The following SMC6 variants were observed in gnomAD, a reference collection of about 807,000 sequenced individuals.
SMC6 encodes the protein structural maintenance of chromosomes 6, also known as structural maintenance of chromosomes protein 6.
In SMC6, 79 loss-of-function variants were observed where a neutral mutation model predicts 142.2. The observed-to-expected ratio is 0.56, with a 90% CI of 0.46 to 0.67. SMC6 has a LOEUF of 0.67. SMC6 is among the 30% of genes least tolerant of loss of function. The pLI, the probability that SMC6 is intolerant of heterozygous loss-of-function variation, is 0.00. For synonymous variants in SMC6, 411 were observed against 412.4 expected (o/e 1.00, Z 0.04); for missense variants, 1,072 against 1,284.0 (o/e 0.83, Z 2.52).
chr2:17,751,133 G>A (rs1671009048), intron 2 of SMC6, among the ~76,000 whole-genome samples: 1 of 150,788 alleles, frequency 6.6e-6, no homozygotes, highest in African/African-American at 2.4e-5. Context: ...GCCATTATAA[G>A]TTCATGGAAC....
chr2:17,732,970 A>C (rs941032634), intron 5 of SMC6, among the ~76,000 whole-genome samples: 2 of 152,200 alleles, frequency 1.3e-5, no homozygotes, highest in Non-Finnish European at 2.9e-5. Context: ...ACTTGGTAGA[A>C]AAACAAAGAT....
chr2:17,745,838 C>T lies in SMC6; in HGVS notation c.109G>A (p.Gly37Ser). 1 of 1,610,172 alleles carries T rather than the reference C, an allele frequency of 6.2e-7. No individual in the cohort carries two copies. Among genetic ancestry groups the T allele is most frequent in the South Asian group, 1.1e-5 (1 of 90,046 alleles). ...AATTTTTCGCTTACCAAAGTAGTAC[C>T]TTTACATTCGTCTTCGTCACCATCT... ...DKDGDEDECK[G>S]TTLTAAEVGI... is the part of the protein sequence containing the mutation. Residue 37 changes from glycine to serine, a missense_variant, in exon 3 of 28, where the codon GGT (glycine) becomes AGT (serine). Coordinates refer to ENST00000448223, the MANE Select transcript of SMC6 (RefSeq NM_001142286.2).
At chr2:17,742,084 C>T (rs563284590) in intron 3 of SMC6, among the ~76,000 whole-genome samples, 4 of 152,230 alleles carry the variant, frequency 2.6e-5, no homozygotes, top group East Asian at 3.9e-4. Context: ...CACACCTGCC[C>T]CTAAGTTGTG....
At chr2:17,735,320 T>C (rs1670099096) in intron 5 of SMC6, among the ~76,000 whole-genome samples, 1 of 152,122 alleles carries the variant, frequency 6.6e-6, no homozygotes, top group African/African-American at 2.4e-5. Flanking sequence ...CAGTAAGAAT[T>C]TGGCTTCTTT....
At chr2:17,675,821 T>C (rs1447816709) in intron 25 of SMC6, among the ~76,000 whole-genome samples, 1 of 152,132 alleles carries the variant, frequency 6.6e-6, no homozygotes, top group East Asian at 1.9e-4. Context: ...TATTTGACTA[T>C]CATATAAATT....
chr2:17,676,669 C>G (rs1001766323), intron 25 of SMC6, among the ~76,000 whole-genome samples: 25 of 152,084 alleles, frequency 1.6e-4, no homozygotes, highest in African/African-American at 6.0e-4. Context: ...ACTGAGTCTT[C>G]TGATCTAACA....
chr2:17,745,854 G>A lies in SMC6; in HGVS notation c.93C>T (p.Asp31=), dbSNP rs143324489. The change falls in exon 3 of 28, where the codon GAC becomes GAT. Residue 31 remains aspartate (D), a synonymous_variant. Coordinates refer to ENST00000448223, the MANE Select transcript of SMC6 (RefSeq NM_001142286.2). ...EELEDFDKDG[D]EDECKGTTLT... is the part of the protein sequence containing the mutation. ...AAGTAGTACCTTTACATTCGTCTTC[G>A]TCACCATCTTTATCAAAATCCTCCA... The A allele has an allele frequency of 2.3e-4, 374 of 1,611,258 alleles. 2 individuals are homozygous for A. Among genetic ancestry groups the A allele is most frequent in the Middle Eastern group, 8.3e-4 (5 of 6,052 alleles).
chr2:17,672,351 A>G (rs1385368826), intron 25 of SMC6, among the ~76,000 whole-genome samples: 1 of 152,238 alleles, frequency 6.6e-6, no homozygotes, highest in South Asian at 2.1e-4. Flanking sequence ...TGACAACATC[A>G]GAAAGTCTAG....
chr2:17,743,942 G>C (rs965212493), intron 3 of SMC6, among the ~76,000 whole-genome samples: 4 of 152,128 alleles, frequency 2.6e-5, no homozygotes, highest in African/African-American at 9.7e-5. Flanking sequence ...ATAGTGCATC[G>C]TCTGGATATA....
chr2:17,691,577 A>G (rs1667729453), intron 23 of SMC6, among the ~76,000 whole-genome samples: 1 of 151,868 alleles, frequency 6.6e-6, no homozygotes, highest in Non-Finnish European at 1.5e-5. Flanking sequence ...AAATAATAAG[A>G]GCTATCTATG....
At chr2:17,727,283 T>C (rs912824603) in intron 7 of SMC6, among the ~76,000 whole-genome samples, 1 of 152,128 alleles carries the variant, frequency 6.6e-6, no homozygotes, top group African/African-American at 2.4e-5. Flanking sequence ...TGGCTGCCAG[T>C]GTGGTTGGAA....
intron 9 of SMC6, among the ~76,000 whole-genome samples, chr2:17,723,470 T>A (rs1669471927): frequency 6.6e-6 from 1 of 152,248 alleles, no homozygotes; most frequent in Non-Finnish European, 1.5e-5. Context: ...TCCAGTTTTT[T>A]AAAAGCACAC....
In SMC6 at chr2:17,745,859, C is replaced by G; in HGVS notation, c.88G>C (p.Gly30Arg). The G allele has an allele frequency of 1.2e-6, 2 of 1,612,088 alleles. No individual in the cohort carries two copies. Among genetic ancestry groups the G allele is most frequent in the Non-Finnish European group, 1.7e-6 (2 of 1,179,322 alleles). The change falls in exon 3 of 28, where the codon GGT (glycine) becomes CGT (arginine). Residue 30 changes from glycine to arginine, a missense_variant. Transcript: ENST00000448223. ...GTACCTTTACATTCGTCTTCGTCAC[C>G]ATCTTTATCAAAATCCTCCAATTCT... ...QEELEDFDKD[G>R]DEDECKGTTL...
intron 16 of SMC6, among the ~76,000 whole-genome samples, chr2:17,710,881 C>A (rs1253519111): frequency 6.6e-6 from 1 of 151,962 alleles, no homozygotes; most frequent in Non-Finnish European, 1.5e-5. Context: ...AAAAGGGAAG[C>A]AGAGAAAAGT....
chr2:17,744,864 C>T (rs1438009917), intron 3 of SMC6, among the ~76,000 whole-genome samples: 1 of 152,136 alleles, frequency 6.6e-6, no homozygotes, highest in Non-Finnish European at 1.5e-5. Context: ...TAGCCTGTAA[C>T]ATGGTGAATC....
chr2:17,676,159 G>GC (rs1185284078), intron 25 of SMC6, among the ~76,000 whole-genome samples: 2 of 152,090 alleles, frequency 1.3e-5, no homozygotes, highest in East Asian at 1.9e-4. Context: ...TTCAGATGCT[G>GC]CACTTTTCAG....
intron 25 of SMC6, among the ~76,000 whole-genome samples, chr2:17,676,275 A>G (rs1173957555): frequency 6.6e-6 from 1 of 152,120 alleles, no homozygotes; most frequent in Non-Finnish European, 1.5e-5. Context: ...GATTAACTCT[A>G]TGTTCTTTAA....
At position 17,669,256 on chromosome 2, in the gene SMC6, C is replaced by CA. The variant is rs1436230574; in HGVS notation, c.3063+1166dup. Among the ~76,000 whole-genome samples the CA allele has an allele frequency of 2.0e-5, 3 of 152,300 alleles. No individual in the cohort carries two copies. The East Asian group carries it at 5.8e-4, about 29-fold the overall frequency. On this transcript the variant is annotated intron_variant, in intron 26 of 27. Transcript: ENST00000448223. ...AGAGGCTTTGAGATGAAGGCACTTTCAACCTCGGGGCTGCTGAATTTCAGA... is the reference window on the plus strand; with the variant it reads ...AGAGGCTTTGAGATGAAGGCACTTTCAAACCTCGGGGCTGCTGAATTTCAGA...
chr2:17,703,040 G>C (rs995024866), intron 19 of SMC6, 117 bp downstream of exon 19: 6 of 596,376 alleles, frequency 1.0e-5, no homozygotes, highest in Non-Finnish European at 1.7e-5. Context: ...GAGTGTAAAG[G>C]GGCTTGAGGC....
Sources: allele counts gnomAD v4.1 joint callset (sites outside exome capture counted in the v4.1 genomes callset), GRCh38; gene constraint gnomAD v4.1.1; transcripts MANE v1.5; gene names NCBI Gene and HGNC (gene_info 2026-07-23, HGNC 2026-07-21).